HPSE2: variants seen among roughly 807,000 people sequenced by gnomAD.
HPSE2 encodes the protein heparanase 2 (inactive).
In HPSE2, 38 loss-of-function variants were observed where a neutral mutation model predicts 60.5. The observed-to-expected ratio is 0.63, with a 90% confidence interval of 0.48 to 0.82. The LOEUF is 0.82. HPSE2 is among the 40% of genes least tolerant of loss of function. The pLI is 0.00. For missense variants in HPSE2, 713 were observed against 740.4 expected, an observed-to-expected ratio of 0.96 and a Z score of 0.43; for synonymous variants, 295 against 293.2, an observed-to-expected ratio of 1.01 and a Z score of -0.06.
intron 3 of HPSE2, among the ~76,000 whole-genome samples, chr10:98,818,466 T>C (rs1049667233): frequency 2.0e-5 from 3 of 152,122 alleles, no homozygotes; most frequent in Non-Finnish European, 4.4e-5. Context: ...GCTCAGGTAG[T>C]CAGCACTCAA....
chr10:98,928,894 C>T lies in HPSE2; in HGVS notation c.611-184838G>A, dbSNP rs188318476. On this transcript the variant is annotated intron_variant, in intron 3 of 11. Transcript: ENST00000370552. ...GGGAGATATGCCTAATGCTAGATGA[C>T]GAGGTAGTGGGTGCAGCGCACCAGC... is the stretch of plus-strand genomic sequence containing the variant. Among the ~76,000 whole-genome samples, 7 of 137,910 alleles carry T rather than the reference C, an allele frequency of 5.1e-5. 1 individual carries two copies. Among genetic ancestry groups the T allele is most frequent in the East Asian group, 2.1e-4 (1 of 4,838 alleles). 90.5% of individuals were successfully genotyped at this position (137,910 alleles called of 152,430 possible).
Position 98,615,018 on chromosome 10 carries a change from T to C in HPSE2, c.1206A>G (p.Leu402=). ...CCAGCATTCCTAAAGTGTTCAACCA[T>C]CTAAAAGGCAGAGAAAAAGAGCTAC... ...NLSDSYAAGF[L]WLNTLGMLAN... is the part of the protein sequence containing the mutation. The change falls in exon 9 of 12, where the codon TTA becomes TTG. Residue 402 remains leucine, a splice_region_variant and synonymous_variant. Transcript: ENST00000370552. The C allele has an allele frequency of 6.2e-7, 1 of 1,606,598 alleles. No individual in the cohort carries two copies. Among genetic ancestry groups the C allele is most frequent in the Non-Finnish European group, 8.5e-7 (1 of 1,173,184 alleles).
At chr10:99,151,837 G>A (rs1846277294) in intron 2 of HPSE2, among the ~76,000 whole-genome samples, 1 of 152,240 alleles carries the variant, frequency 6.6e-6, no homozygotes, top group Non-Finnish European at 1.5e-5. Context: ...GACTGCTTGA[G>A]CTCAGGAGTT....
At chr10:98,654,863 GT>G (rs1399677585) in intron 6 of HPSE2, among the ~76,000 whole-genome samples, 3 of 152,176 alleles carry the variant, frequency 2.0e-5, no homozygotes, top group Non-Finnish European at 4.4e-5. Flanking sequence ...GAGTTGGACT[GT>G]GTTTGCTATA....
chr10:98,762,977 A>G (rs758468289), intron 3 of HPSE2, among the ~76,000 whole-genome samples: 11 of 152,146 alleles, frequency 7.2e-5, no homozygotes, highest in Non-Finnish European at 1.3e-4. Context: ...TTTTAAATGA[A>G]TAAAATATGC....
chr10:98,966,853 T>C (rs1338254234), intron 3 of HPSE2, among the ~76,000 whole-genome samples: 1 of 152,216 alleles, frequency 6.6e-6, no homozygotes, highest in Non-Finnish European at 1.5e-5. Context: ...GGCTTGATCA[T>C]TACACATTTT....
At chr10:99,291,087 G>A in the HPSE2 span, among the ~76,000 whole-genome samples, 1 of 152,276 alleles carries the variant, frequency 6.6e-6, no homozygotes, top group African/African-American at 2.4e-5. Context: ...TGAGTATTCT[G>A]TCCCCAGAAA....
chr10:98,989,510 G>C (rs10786492), intron 3 of HPSE2, among the ~76,000 whole-genome samples: 1 of 143,524 alleles, frequency 7.0e-6, no homozygotes. Flanking sequence ...GTGGGGGGAG[G>C]GGGGAGGGAT....
chr10:98,658,862 T>C (rs1035686116), intron 6 of HPSE2, among the ~76,000 whole-genome samples: 9 of 152,074 alleles, frequency 5.9e-5, no homozygotes, highest in African/African-American at 1.9e-4. Context: ...TTGACTATGA[T>C]TTACATCGTT....
upstream of HPSE2, among the ~76,000 whole-genome samples, chr10:99,237,956 C>T (rs192651886): frequency 4.0e-4 from 61 of 152,266 alleles, 1 homozygote; most frequent in East Asian, 0.011. Flanking sequence ...AAATAATATG[C>T]CCCTCTCCAG....
intron 2 of HPSE2, among the ~76,000 whole-genome samples, chr10:99,177,965 C>A (rs1847596644): frequency 6.6e-6 from 1 of 151,982 alleles, no homozygotes; most frequent in African/African-American, 2.4e-5. Flanking sequence ...GGATTAAGAA[C>A]TCACTGAAAA....
At chr10:98,859,807 A>G (rs1265031147) in intron 3 of HPSE2, among the ~76,000 whole-genome samples, 1 of 152,156 alleles carries the variant, frequency 6.6e-6, no homozygotes, top group Non-Finnish European at 1.5e-5. Flanking sequence ...TAAATTTCCT[A>G]TATATAAACA....
upstream of HPSE2, among the ~76,000 whole-genome samples, chr10:99,239,498 C>T (rs1280882647): frequency 7.5e-6 from 1 of 132,768 alleles, no homozygotes; most frequent in Non-Finnish European, 1.5e-5. Context: ...GGCACGATCT[C>T]GGCTCACTGC....
chr10:98,897,815 T>G (rs1336541266), intron 3 of HPSE2, among the ~76,000 whole-genome samples: 2 of 152,086 alleles, frequency 1.3e-5, no homozygotes, highest in Non-Finnish European at 2.9e-5. Flanking sequence ...ACCAAAAGCA[T>G]GACCCATGAA....
chr10:99,260,241 C>CA, the HPSE2 span, among the ~76,000 whole-genome samples: 157 of 144,452 alleles, frequency 1.1e-3, no homozygotes, highest in South Asian at 2.4e-3. Context: ...TGAGCTCCTA[C>CA]AAAAAAAAAA....
intron 9 of HPSE2, among the ~76,000 whole-genome samples, chr10:98,597,671 A>G (rs1483627593): frequency 9.9e-6 from 1 of 101,054 alleles, no homozygotes; most frequent in Non-Finnish European, 2.4e-5. Flanking sequence ...ACTCTGTCTC[A>G]AGAAAAAAAA....
intron 9 of HPSE2, among the ~76,000 whole-genome samples, chr10:98,576,981 G>A (rs752583925): frequency 2.0e-5 from 3 of 151,676 alleles, no homozygotes; most frequent in Admixed American, 6.6e-5. Context: ...TGGTACGAAC[G>A]ATGAGGATTT....
the HPSE2 span, among the ~76,000 whole-genome samples, chr10:99,314,582 T>C: frequency 6.6e-6 from 1 of 152,230 alleles, no homozygotes; most frequent in African/African-American, 2.4e-5. Flanking sequence ...ACCAAAAACT[T>C]TGACTTACTG....
At chr10:98,793,117 C>A (rs889125371) in intron 3 of HPSE2, among the ~76,000 whole-genome samples, 7 of 152,196 alleles carry the variant, frequency 4.6e-5, no homozygotes, top group African/African-American at 1.7e-4. Flanking sequence ...AGGGATGTAT[C>A]TATTGCTCTG....
Sources: gnomAD v4.1 joint callset for allele counts (sites outside exome capture counted in the v4.1 genomes callset) on GRCh38, gnomAD v4.1.1 for gene constraint, MANE v1.5 for transcripts, NCBI Gene and HGNC (gene_info 2026-07-23, HGNC 2026-07-21) for gene names.